The following SNX29 variants were observed in gnomAD, a reference collection of about 807,000 sequenced individuals.
SNX29 encodes sorting nexin 29, also known as sorting nexin-29.
In SNX29, 78 loss-of-function variants were observed where a neutral mutation model predicts 102.1. The observed-to-expected ratio is 0.76, with a 90% CI of 0.64 to 0.92. The LOEUF (loss-of-function observed/expected upper bound fraction) is 0.92, where lower values mean the gene tolerates loss of function less well. Among genes scored for constraint, SNX29 ranks in the 40% least tolerant of loss-of-function variants. The pLI, the probability that SNX29 is intolerant of heterozygous loss-of-function variation, is 0.00. For synonymous variants in SNX29, 580 were observed against 414.5 expected, an observed-to-expected ratio of 1.40 and a Z score of -4.85; for missense variants, 1,280 against 1,061.7, an observed-to-expected ratio of 1.21 and a Z score of -2.86.
intron 18 of SNX29, among the ~76,000 whole-genome samples, chr16:12,417,067 G>C (rs1450033558): frequency 3.3e-5 from 5 of 152,248 alleles, no homozygotes. Flanking sequence ...GGGCCTCCCA[G>C]GTGCAGCCAG....
At chr16:12,475,382 A>G (rs563451129) in intron 18 of SNX29, among the ~76,000 whole-genome samples, 5 of 152,352 alleles carry the variant, frequency 3.3e-5, no homozygotes, top group African/African-American at 1.2e-4. Context: ...TTGATTATTT[A>G]GATCAGGGGT....
chr16:12,362,692 A>G (rs1039873306), intron 16 of SNX29, among the ~76,000 whole-genome samples: 3 of 151,556 alleles, frequency 2.0e-5, no homozygotes, highest in East Asian at 3.9e-4. Flanking sequence ...CCAGGGCTGC[A>G]TATCAGCTCA....
chr16:11,989,396 A>G (rs1370611642), intron 1 of SNX29, among the ~76,000 whole-genome samples: 1 of 152,106 alleles, frequency 6.6e-6, no homozygotes, highest in Non-Finnish European at 1.5e-5. Flanking sequence ...GTCTCTTTCC[A>G]TTGTGTGCTG....
chr16:12,568,858 A>G lies in SNX29; in HGVS notation c.*229A>G. 1.6e-6 allele frequency: 1 copy of G among 632,404 alleles called. No homozygotes were observed. The highest frequency in any genetic ancestry group is 2.1e-5 in the South Asian group (1 of 47,276). The allele number at this position is 632,404 out of a possible 1,614,324, so 39.2% of individuals were successfully genotyped here. A position where few individuals can be genotyped will look rare whatever the true frequency, so the allele number is the denominator to read the frequency against. On this transcript the variant is annotated 3_prime_UTR_variant, in exon 21 of 21. Coordinates refer to ENST00000566228, the MANE Select transcript of SNX29 (RefSeq NM_032167.5). ...AGCACCTCGCTGGAGAGACTGGGAC[A>G]CACAGTCCTTCTGCTTCTGGGGTCT... is the stretch of plus-strand genomic sequence containing the variant.
chr16:12,416,874 C>G (rs1430635870), intron 18 of SNX29, among the ~76,000 whole-genome samples: 1 of 152,230 alleles, frequency 6.6e-6, no homozygotes, highest in African/African-American at 2.4e-5. Context: ...ACACCTCCCA[C>G]TAGGCCCACC....
intron 20 of SNX29, among the ~76,000 whole-genome samples, chr16:12,532,917 C>G (rs1369845789): frequency 6.6e-6 from 1 of 152,244 alleles, no homozygotes; most frequent in Non-Finnish European, 1.5e-5. Context: ...TTAAGAACAG[C>G]AGGCCGTCCT....
intron 13 of SNX29, among the ~76,000 whole-genome samples, chr16:12,184,240 C>A (rs887380967): frequency 6.6e-6 from 1 of 152,160 alleles, no homozygotes; most frequent in Non-Finnish European, 1.5e-5. Context: ...TTCACGGTTC[C>A]CTGATTGTTC....
chr16:12,315,837 C>T (rs1005582934), intron 15 of SNX29, among the ~76,000 whole-genome samples: 4 of 152,192 alleles, frequency 2.6e-5, no homozygotes, highest in African/African-American at 9.7e-5. Context: ...GAGAGTTTGT[C>T]ACCCCTGCTC....
At chr16:12,236,506 C>A (rs2077938095) in intron 14 of SNX29, among the ~76,000 whole-genome samples, 1 of 152,340 alleles carries the variant, frequency 6.6e-6, no homozygotes, top group Middle Eastern at 3.4e-3. Flanking sequence ...ACTACGTCTT[C>A]TCTGTTGCAT....
At chr16:12,020,190 C>G (rs865966040) in intron 3 of SNX29, among the ~76,000 whole-genome samples, 1 of 151,356 alleles carries the variant, frequency 6.6e-6, no homozygotes, top group Middle Eastern at 3.4e-3. Context: ...TGGTGCGATC[C>G]CGGCTCACTG....
At chr16:12,558,329 A>G (rs974025345) in intron 20 of SNX29, among the ~76,000 whole-genome samples, 1 of 149,708 alleles carries the variant, frequency 6.7e-6, no homozygotes, top group African/African-American at 2.4e-5. Context: ...GGCTATCAAC[A>G]AAGAGACAAA....
At chr16:12,272,267 G>T (rs922748748) in intron 14 of SNX29, among the ~76,000 whole-genome samples, 3 of 152,180 alleles carry the variant, frequency 2.0e-5, no homozygotes, top group African/African-American at 7.2e-5. Flanking sequence ...GGGACAGGAG[G>T]CCAGTGGCGT....
At chr16:12,559,887 G>A (rs931732730) in intron 20 of SNX29, among the ~76,000 whole-genome samples, 2 of 152,160 alleles carry the variant, frequency 1.3e-5, no homozygotes, top group African/African-American at 4.8e-5. Context: ...GCTGAGGCAG[G>A]AGAATGGCAT....
At chr16:12,526,145 G>T (rs935381503) in intron 20 of SNX29, among the ~76,000 whole-genome samples, 3 of 152,176 alleles carry the variant, frequency 2.0e-5, no homozygotes, top group Non-Finnish European at 4.4e-5. Context: ...GTTCTGGGTC[G>T]GTGTGATTTG....
intron 10 of SNX29, among the ~76,000 whole-genome samples, chr16:12,069,384 G>A (rs1773942367): frequency 6.6e-6 from 1 of 151,836 alleles, no homozygotes; most frequent in African/African-American, 2.4e-5. Flanking sequence ...TCTTGCCTGA[G>A]CCTCCCAAGT....
intron 20 of SNX29, among the ~76,000 whole-genome samples, chr16:12,565,549 CCT>C (rs1284591014): frequency 6.6e-6 from 1 of 152,166 alleles, no homozygotes; most frequent in Non-Finnish European, 1.5e-5. Flanking sequence ...TTGAACCATC[CCT>C]GTGTCACAGA....
intron 19 of SNX29, among the ~76,000 whole-genome samples, chr16:12,523,808 C>T (rs1362135391): frequency 6.6e-6 from 1 of 152,188 alleles, no homozygotes; most frequent in Admixed American, 6.5e-5. Context: ...GGGACCTGTG[C>T]CTGCCTTCTG....
At chr16:12,521,802 C>A (rs887496082) in intron 19 of SNX29, among the ~76,000 whole-genome samples, 1 of 152,228 alleles carries the variant, frequency 6.6e-6, no homozygotes, top group African/African-American at 2.4e-5. Context: ...AGCATTCAGA[C>A]TGGGTGAGCA....
chr16:12,152,025 C>T (rs1477794733), intron 13 of SNX29, among the ~76,000 whole-genome samples: 5 of 123,282 alleles, frequency 4.1e-5, no homozygotes, highest in Non-Finnish European at 9.1e-5. Context: ...TTGAGACCAG[C>T]CTGGGCAATG....
Sources: allele counts gnomAD v4.1 joint callset (sites outside exome capture counted in the v4.1 genomes callset), GRCh38; gene constraint gnomAD v4.1.1; transcripts MANE v1.5; gene names NCBI Gene and HGNC (gene_info 2026-07-23, HGNC 2026-07-21).